Variants in ITPR2 observed in about 807,000 individuals in gnomAD.
ITPR2 encodes inositol 1,4,5-trisphosphate-gated calcium channel ITPR2.
A neutral mutation model predicts 317.1 loss-of-function variants in ITPR2; 207 were observed. The ratio of observed to expected loss-of-function variants is 0.65; its 90% CI spans 0.58 to 0.73. The LOEUF is 0.73. Among genes scored for constraint, ITPR2 ranks in the 30% least tolerant of loss-of-function variants. The pLI is 0.00. For synonymous variants in ITPR2, 1,156 were observed against 1,149.1 expected (o/e 1.01, Z -0.12); for missense variants, 2,613 against 3,284.0 (o/e 0.80, Z 4.99).
At chr12:26,809,303 G>A (rs1245480920) in intron 1 of ITPR2, among the ~76,000 whole-genome samples, 1 of 152,200 alleles carries the variant, frequency 6.6e-6, no homozygotes, top group Non-Finnish European at 1.5e-5. Flanking sequence ...TGGTCTGGCT[G>A]TTCCTACTTA....
chr12:26,727,187 C>T (rs1948943959), intron 2 of ITPR2, among the ~76,000 whole-genome samples: 2 of 152,166 alleles, frequency 1.3e-5, no homozygotes, highest in African/African-American at 2.4e-5. Context: ...TTTCCTGTAT[C>T]TTAGCAACTA....
chr12:26,559,611 G>C (rs954926772), intron 35 of ITPR2, among the ~76,000 whole-genome samples: 6 of 152,084 alleles, frequency 3.9e-5, no homozygotes, highest in African/African-American at 1.4e-4. Context: ...AATTTGGGGT[G>C]GGGGAGGACA....
At chr12:26,593,812 G>A (rs1027128925) in intron 32 of ITPR2, among the ~76,000 whole-genome samples, 4 of 151,526 alleles carry the variant, frequency 2.6e-5, no homozygotes, top group East Asian at 1.9e-4. Context: ...CGGTGAAAAC[G>A]GTATTTCTCA....
intron 2 of ITPR2, among the ~76,000 whole-genome samples, chr12:26,757,527 A>T (rs979941541): frequency 4.6e-5 from 7 of 152,022 alleles, no homozygotes; most frequent in African/African-American, 1.4e-4. Context: ...TATTCATTTA[A>T]TTTCTTAATA....
At chr12:26,373,059 G>A (rs1271842090) in intron 55 of ITPR2, among the ~76,000 whole-genome samples, 1 of 152,170 alleles carries the variant, frequency 6.6e-6, no homozygotes, top group African/African-American at 2.4e-5. Context: ...GAACTTAACA[G>A]CCAGACAACA....
At chr12:26,400,622 ATGT>A (rs1317348177) in intron 52 of ITPR2, 1 of 152,970 alleles carries the variant, frequency 6.5e-6, no homozygotes, top group Non-Finnish European at 1.5e-5. Flanking sequence ...GAAGCCACAT[ATGT>A]AATGTCCTCA....
intron 2 of ITPR2, among the ~76,000 whole-genome samples, chr12:26,767,814 T>A (rs1323283808): frequency 6.6e-6 from 1 of 152,230 alleles, no homozygotes; most frequent in African/African-American, 2.4e-5. Flanking sequence ...CCATTATAAA[T>A]AATCCTGCGA....
intron 1 of ITPR2, among the ~76,000 whole-genome samples, chr12:26,801,887 T>C (rs967861397): frequency 4.0e-5 from 6 of 150,898 alleles, no homozygotes; most frequent in Non-Finnish European, 8.9e-5. Context: ...ATACTTCATG[T>C]TAAAAAAAAA....
At chr12:26,463,405 G>A (rs547335742) in intron 45 of ITPR2, among the ~76,000 whole-genome samples, 151 of 152,192 alleles carry the variant, frequency 9.9e-4, no homozygotes, top group Non-Finnish European at 1.6e-3. Flanking sequence ...GGTGGCTCAC[G>A]CCTGTAATCC....
chr12:26,775,959 T>TATATATATATATACATA (rs1263788006), intron 2 of ITPR2, among the ~76,000 whole-genome samples: 2 of 145,084 alleles, frequency 1.4e-5, no homozygotes, highest in Non-Finnish European at 3.1e-5. Flanking sequence ...TATATGTATA[T>TATATATATATATACATA]CCTATTAGTT....
intron 32 of ITPR2, among the ~76,000 whole-genome samples, chr12:26,581,822 A>C (rs1945411584): frequency 6.6e-6 from 1 of 152,154 alleles, no homozygotes; most frequent in Non-Finnish European, 1.5e-5. Flanking sequence ...AAATATAATA[A>C]AGTTGAAGAG....
intron 54 of ITPR2, among the ~76,000 whole-genome samples, chr12:26,396,439 C>T (rs569370012): frequency 2.0e-5 from 3 of 152,186 alleles, no homozygotes; most frequent in East Asian, 3.9e-4. Flanking sequence ...GAGTTGATAA[C>T]GAATTCATTT....
intron 47 of ITPR2, among the ~76,000 whole-genome samples, chr12:26,436,920 T>G (rs1469930143): frequency 2.0e-5 from 3 of 152,210 alleles, no homozygotes; most frequent in Non-Finnish European, 4.4e-5. Flanking sequence ...ACCTTAAATC[T>G]TCCTAAGAAC....
chr12:26,476,921 G>A lies in ITPR2; in HGVS notation c.6210C>T (p.Pro2070=). The A allele has an allele frequency of 6.2e-7, 1 of 1,609,764 alleles. No homozygotes were observed. Among genetic ancestry groups the A allele is most frequent in the Non-Finnish European group, 8.5e-7 (1 of 1,176,464 alleles). ...NAERILFNMR[P]RELVDVMKNA... is the part of the protein sequence containing the mutation. ...TTAAAAGTTTTCTTACCAGTTCTCTGGGTCTCATGTTAAAAAGAATTCTTT... is the reference window on the plus strand; with the variant it reads ...TTAAAAGTTTTCTTACCAGTTCTCTAGGTCTCATGTTAAAAAGAATTCTTT... Residue 2070 remains proline (P), a synonymous_variant, in exon 44 of 57, where the codon CCC becomes CCT. Transcript: ENST00000381340.
At chr12:26,562,965 A>C (rs1439843418) in intron 34 of ITPR2, among the ~76,000 whole-genome samples, 1 of 143,280 alleles carries the variant, frequency 7.0e-6, no homozygotes. Flanking sequence ...CTTGTATAGC[A>C]AAAAAAAAAG....
At position 26,599,277 on chromosome 12, in the gene ITPR2, C is replaced by G. The variant is rs1048908079; in HGVS notation, c.3870G>C (p.Glu1290Asp). Residue 1290 changes from glutamate to aspartate, a missense_variant, in exon 30 of 57, where the codon GAG becomes GAC. Transcript: ENST00000381340. Reference sequence around the variant, plus strand: ...AGTGCACAAAGTGTTGTACAACTCTCTCGCTAATTTCGTTGCACAGATGGT... The same window carrying G: ...AGTGCACAAAGTGTTGTACAACTCTGTCGCTAATTTCGTTGCACAGATGGT... ...NNYHLCNEIS[E>D]RVVQHFVHCI... 6.2e-7 allele frequency: 1 copy of G among 1,614,100 alleles called. No homozygotes were observed. Among genetic ancestry groups the G allele is most frequent in the Non-Finnish European group, 8.5e-7 (1 of 1,179,956 alleles).
intron 37 of ITPR2, among the ~76,000 whole-genome samples, chr12:26,508,717 C>T (rs1486179840): frequency 6.6e-6 from 1 of 152,124 alleles, no homozygotes; most frequent in African/African-American, 2.4e-5. Context: ...AATAAGTGAT[C>T]TGGGGACACG....
At chr12:26,348,530 C>T (rs894088838) in intron 55 of ITPR2, among the ~76,000 whole-genome samples, 1 of 152,176 alleles carries the variant, frequency 6.6e-6, no homozygotes, top group East Asian at 1.9e-4. Context: ...CACCTATATA[C>T]AACTACTGCT....
intron 55 of ITPR2, among the ~76,000 whole-genome samples, chr12:26,381,276 A>G (rs1417202759): frequency 1.3e-5 from 2 of 152,224 alleles, no homozygotes; most frequent in Admixed American, 6.5e-5. Flanking sequence ...TTTGTGTTGC[A>G]ATGTCTCACA....
Sources: allele counts gnomAD v4.1 joint callset (sites outside exome capture counted in the v4.1 genomes callset), GRCh38; gene constraint gnomAD v4.1.1; transcripts MANE v1.5; gene names NCBI Gene and HGNC (gene_info 2026-07-23, HGNC 2026-07-21).